The following RALYL variants were observed in gnomAD, a reference collection of about 807,000 sequenced individuals.
The protein encoded by RALYL is RNA-binding Raly-like protein.
A neutral mutation model predicts 35.1 loss-of-function variants in RALYL; 29 were observed. The ratio of observed to expected loss-of-function variants is 0.83; its 90% confidence interval spans 0.61 to 1.13. RALYL has a LOEUF of 1.13. Among genes scored for constraint, RALYL ranks in the 50% most tolerant of loss-of-function variants. The pLI, the probability that RALYL is intolerant of heterozygous loss-of-function variation, is 0.00. For synonymous variants in RALYL, 120 were observed against 127.6 expected, an observed-to-expected ratio of 0.94 and a Z score of 0.40; for missense variants, 359 against 360.4, an observed-to-expected ratio of 1.00 and a Z score of 0.03.
rs1451005057 is a variant in RALYL at position 84,921,631 on chromosome 8, G to C, written c.*720G>C. 2 of 152,084 alleles carry C rather than the reference G, an allele frequency of 1.3e-5. No homozygotes were observed. Among genetic ancestry groups the C allele is most frequent in the Non-Finnish European group, 1.5e-5 (1 of 67,988 alleles). The allele number at this position is 152,084 out of a possible 1,614,324, so 9.4% of individuals were successfully genotyped here. On this transcript the variant is annotated 3_prime_UTR_variant, in exon 9 of 9. Coordinates refer to ENST00000521268, the MANE Select transcript of RALYL (RefSeq NM_173848.7). Reference sequence around the variant, plus strand: ...GGACTAGATTGCCAAGGAAAAGACTGTCTTGCCCTTGGATCCAAAAGTTTA... The same window carrying C: ...GGACTAGATTGCCAAGGAAAAGACTCTCTTGCCCTTGGATCCAAAAGTTTA...
chr8:84,529,720 C>A, intron 2 of RALYL, 143 bp downstream of exon 2: 1 of 648,150 alleles, frequency 1.5e-6, no homozygotes, highest in Non-Finnish European at 2.4e-6. Flanking sequence ...TATATTTTTT[C>A]ATCCTCATAT....
chr8:84,312,174 C>A (rs1842942108), intron 1 of RALYL, among the ~76,000 whole-genome samples: 1 of 152,064 alleles, frequency 6.6e-6, no homozygotes, highest in Admixed American at 6.6e-5. Flanking sequence ...ACAAGCAGAT[C>A]CTGCAAGAAT....
intron 6 of RALYL, among the ~76,000 whole-genome samples, chr8:84,865,197 TAAC>T (rs993306612): frequency 6.6e-6 from 1 of 152,144 alleles, no homozygotes; most frequent in African/African-American, 2.4e-5. Context: ...TTTCTGGAAA[TAAC>T]AAAAGTTTCT....
intron 4 of RALYL, among the ~76,000 whole-genome samples, chr8:84,838,224 TC>T (rs1466118058): frequency 6.6e-6 from 1 of 152,172 alleles, no homozygotes; most frequent in African/African-American, 2.4e-5. Flanking sequence ...CACAATGCCA[TC>T]TTTTGGTGGG....
At chr8:84,266,909 G>C (rs1358380255) in intron 1 of RALYL, among the ~76,000 whole-genome samples, 2 of 145,504 alleles carry the variant, frequency 1.4e-5, no homozygotes, top group African/African-American at 5.1e-5. Flanking sequence ...GCAGTGAGCC[G>C]AGATCGCGCC....
At chr8:84,546,132 A>C (rs1196750013) in intron 2 of RALYL, among the ~76,000 whole-genome samples, 1 of 151,938 alleles carries the variant, frequency 6.6e-6, no homozygotes, top group East Asian at 1.9e-4. Flanking sequence ...GAAGAGAAAA[A>C]GATATATATT....
chr8:84,519,293 A>G (rs2058289616), intron 1 of RALYL, among the ~76,000 whole-genome samples: 2 of 152,218 alleles, frequency 1.3e-5, no homozygotes, highest in Admixed American at 1.3e-4. Context: ...AAGAAAAATG[A>G]TAACAGTTTC....
intron 1 of RALYL, among the ~76,000 whole-genome samples, chr8:84,421,273 A>T (rs1243561471): frequency 8.2e-5 from 1 of 12,264 alleles, no homozygotes; most frequent in Non-Finnish European, 1.6e-4. Flanking sequence ...ATCCCTTGTA[A>T]GTTGGATTCC....
At chr8:84,639,561 A>AG (rs1221020274) in intron 2 of RALYL, among the ~76,000 whole-genome samples, 1 of 151,968 alleles carries the variant, frequency 6.6e-6, no homozygotes, top group African/African-American at 2.4e-5. Context: ...AGCCAAGATA[A>AG]GGGGTCCATT....
chr8:84,498,736 A>T (rs953071503), intron 1 of RALYL, among the ~76,000 whole-genome samples: 1 of 152,210 alleles, frequency 6.6e-6, no homozygotes, highest in East Asian at 1.9e-4. Context: ...AGTAATGATA[A>T]CACACTTTTC....
chr8:84,359,347 C>T (rs1489236410), intron 1 of RALYL, among the ~76,000 whole-genome samples: 1 of 151,482 alleles, frequency 6.6e-6, no homozygotes, highest in Non-Finnish European at 1.5e-5. Flanking sequence ...ACCATCTATC[C>T]TTGTGAAGTG....
At chr8:84,301,104 T>A (rs547292257) in intron 1 of RALYL, among the ~76,000 whole-genome samples, 14 of 152,168 alleles carry the variant, frequency 9.2e-5, no homozygotes, top group Non-Finnish European at 1.9e-4. Context: ...AGCATTTGCT[T>A]TTCTGAAAAG....
chr8:84,513,929 C>G (rs71522967), intron 1 of RALYL, among the ~76,000 whole-genome samples: 3 of 151,368 alleles, frequency 2.0e-5, no homozygotes, highest in Non-Finnish European at 4.4e-5. Flanking sequence ...AACCTTGTCT[C>G]TAATAAAAAT....
chr8:84,253,176 GTTTTTTTTTT>G (rs764942491), intron 1 of RALYL, among the ~76,000 whole-genome samples: 3 of 52,858 alleles, frequency 5.7e-5, no homozygotes, highest in Non-Finnish European at 9.7e-5. Flanking sequence ...TAGTTCTGCA[GTTTTTTTTTT>G]TTTTTTTTTT....
intron 1 of RALYL, among the ~76,000 whole-genome samples, chr8:84,257,675 G>T (rs754770358): frequency 6.6e-6 from 1 of 152,054 alleles, no homozygotes; most frequent in African/African-American, 2.4e-5. Flanking sequence ...ACTCTAGAGC[G>T]TTAGGCAACA....
intron 3 of RALYL, among the ~76,000 whole-genome samples, chr8:84,779,044 C>T (rs2133675165): frequency 6.6e-6 from 1 of 152,288 alleles, no homozygotes; most frequent in African/African-American, 2.4e-5. Context: ...GTAAATGAAA[C>T]ATAATTAATC....
intron 2 of RALYL, among the ~76,000 whole-genome samples, chr8:84,672,471 A>G (rs966808834): frequency 6.6e-6 from 1 of 152,140 alleles, no homozygotes; most frequent in African/African-American, 2.4e-5. Flanking sequence ...TAACTTCAAC[A>G]TTTTTGGGTA....
At chr8:84,245,450 G>A (rs1319870312) in intron 1 of RALYL, among the ~76,000 whole-genome samples, 1 of 152,080 alleles carries the variant, frequency 6.6e-6, no homozygotes, top group African/African-American at 2.4e-5. Flanking sequence ...GGACTCCTTA[G>A]ATTGGTGGTC....
chr8:84,473,926 A>T (rs2053093373), intron 1 of RALYL, among the ~76,000 whole-genome samples: 1 of 152,030 alleles, frequency 6.6e-6, no homozygotes. Flanking sequence ...TAAAATTTTT[A>T]AATTCTTTGT....
Sources: allele counts gnomAD v4.1 joint callset (sites outside exome capture counted in the v4.1 genomes callset), GRCh38; gene constraint gnomAD v4.1.1; transcripts MANE v1.5; gene names NCBI Gene and HGNC (gene_info 2026-07-23, HGNC 2026-07-21).